PITPNB: variants seen among roughly 807,000 people sequenced by gnomAD.
The protein encoded by PITPNB is phosphatidylinositol transfer protein beta.
Under a neutral mutation model 45.9 loss-of-function variants are expected in PITPNB, and 16 were observed. The ratio of observed to expected loss-of-function variants is 0.35; its 90% CI spans 0.24 to 0.53. The LOEUF (loss-of-function observed/expected upper bound fraction) is 0.53, where lower values mean the gene tolerates loss of function less well. Among genes scored for constraint, PITPNB ranks in the 20% least tolerant of loss-of-function variants. The pLI is 0.93. For synonymous variants in PITPNB, 112 were observed against 108.9 expected (o/e 1.03, Z -0.18); for missense variants, 188 against 330.5 (o/e 0.57, Z 3.34).
intron 8 of PITPNB, among the ~76,000 whole-genome samples, chr22:27,866,762 T>C (rs1159018370): frequency 2.0e-5 from 3 of 152,200 alleles, no homozygotes; most frequent in Non-Finnish European, 2.9e-5. Flanking sequence ...CATATTTTCA[T>C]TTTTCAATTT....
At chr22:27,869,448 C>G (rs1934583749) in intron 8 of PITPNB, among the ~76,000 whole-genome samples, 2 of 152,150 alleles carry the variant, frequency 1.3e-5, no homozygotes, top group Admixed American at 6.5e-5. Flanking sequence ...ACCTCATCAT[C>G]CCCTGCTAGT....
chr22:27,897,960 G>A (rs1186300233), intron 3 of PITPNB, 68 bp from the exon 4 acceptor site: 3 of 1,069,042 alleles, frequency 2.8e-6, no homozygotes, highest in Non-Finnish European at 4.3e-6. Context: ...CTATCCAACT[G>A]CTTGAAAGAG....
intron 5 of PITPNB, 43 bp from the exon 6 acceptor site, chr22:27,896,669 G>T: frequency 7.5e-7 from 1 of 1,341,794 alleles, no homozygotes; most frequent in Non-Finnish European, 1.1e-6. Flanking sequence ...TCTTCTACCT[G>T]TTCCTTGGTG....
intron 7 of PITPNB, among the ~76,000 whole-genome samples, chr22:27,874,283 C>A (rs796708359): frequency 3.3e-5 from 5 of 152,116 alleles, no homozygotes; most frequent in African/African-American, 4.8e-5. Flanking sequence ...TTCTGCAGCA[C>A]CCCCAACCTC....
intron 4 of PITPNB, among the ~76,000 whole-genome samples, 160 bp from the exon 5 acceptor site, chr22:27,897,297 A>T (rs1935463575): frequency 6.6e-6 from 1 of 152,264 alleles, no homozygotes; most frequent in African/African-American, 2.4e-5. Flanking sequence ...GTTTCCACAC[A>T]AGTGACACTA....
At position 27,853,659 on chromosome 22, in the gene PITPNB, C is replaced by T. The variant is rs1934089887; in HGVS notation, c.*43G>A. 1.1e-5 allele frequency: 17 copies of T among 1,549,848 alleles called. No homozygotes were observed. Among genetic ancestry groups the T allele is most frequent in the Admixed American group, 2.0e-5 (1 of 51,004 alleles). ...TGTTCCCCTCACTTGACCTTGATTACGTAACTGTAAGAAAAGTGAAAGACA... is the reference window on the plus strand; with the variant it reads ...TGTTCCCCTCACTTGACCTTGATTATGTAACTGTAAGAAAAGTGAAAGACA... On this transcript the variant is annotated 3_prime_UTR_variant, in exon 12 of 12. Coordinates refer to ENST00000335272, the MANE Select transcript of PITPNB (RefSeq NM_012399.5).
intron 8 of PITPNB, among the ~76,000 whole-genome samples, chr22:27,864,757 G>A (rs557536214): frequency 2.6e-5 from 4 of 152,154 alleles, no homozygotes; most frequent in East Asian, 1.9e-4. Context: ...GGCCAACATG[G>A]TGAAACCCCG....
intron 8 of PITPNB, among the ~76,000 whole-genome samples, chr22:27,861,347 G>C (rs925732780): frequency 3.3e-5 from 5 of 151,940 alleles, no homozygotes; most frequent in African/African-American, 1.2e-4. Context: ...GTGGGAGGTG[G>C]GGCACTGCAA....
At chr22:27,854,097 A>C (rs1367913404) in intron 11 of PITPNB, among the ~76,000 whole-genome samples, 1 of 152,196 alleles carries the variant, frequency 6.6e-6, no homozygotes, top group Admixed American at 6.5e-5. Context: ...TGGGGCAGCA[A>C]AGAACCACAG....
rs548041105 is a variant in PITPNB at position 27,903,247 on chromosome 22, A to T, written c.198-5355T>A. 6.6e-3 allele frequency among the ~76,000 whole-genome samples: 1,009 copies of T among 152,184 alleles called. 11 individuals carry two copies. The highest frequency in any genetic ancestry group is 0.01 in the Non-Finnish European group (711 of 68,006). On this transcript the variant is annotated intron_variant, in intron 3 of 11. Coordinates refer to ENST00000335272, the MANE Select transcript of PITPNB (RefSeq NM_012399.5). ...CACTTTAGGAGGCCGAGGAGGGTAGATCACCTGAGGTCAGGAGTTCGAGAC... is the reference window on the plus strand; with the variant it reads ...CACTTTAGGAGGCCGAGGAGGGTAGTTCACCTGAGGTCAGGAGTTCGAGAC...
At chr22:27,863,317 C>G (rs865954732) in intron 8 of PITPNB, among the ~76,000 whole-genome samples, 1 of 152,158 alleles carries the variant, frequency 6.6e-6, no homozygotes, top group Non-Finnish European at 1.5e-5. Flanking sequence ...AAACTAAAAG[C>G]AGGGGTGAGC....
chr22:27,914,324 A>G lies in PITPNB; in HGVS notation c.44T>C (p.Val15Ala). ...KEFRVVLPCS[V>A]QEYQVGQLYS... is the part of the protein sequence containing the mutation. ...GAAGCAAGAAAAACTCACCTCCTGA[A>G]CAGAACATGGCAAAACCACACGGCT... Residue 15 changes from valine (V) to alanine (A), a missense_variant, in exon 2 of 12, where the codon GTT (valine) becomes GCT (alanine). Transcript: ENST00000335272. The G allele has an allele frequency of 6.3e-7, 1 of 1,596,552 alleles. No homozygotes were observed. The highest frequency in any genetic ancestry group is 8.6e-7 in the Non-Finnish European group (1 of 1,164,756).
intron 7 of PITPNB, among the ~76,000 whole-genome samples, chr22:27,881,493 T>C (rs1330799909): frequency 6.6e-6 from 1 of 152,176 alleles, no homozygotes; most frequent in East Asian, 1.9e-4. Flanking sequence ...CAAAAAGACA[T>C]GGTACTCTAC....
chr22:27,853,820 T>G (rs1934094700), intron 11 of PITPNB, among the ~76,000 whole-genome samples, 157 bp from the exon 12 acceptor site: 1 of 152,166 alleles, frequency 6.6e-6, no homozygotes, highest in Non-Finnish European at 1.5e-5. Flanking sequence ...TCAAAAAGAT[T>G]TTGGTCTTAC....
At chr22:27,859,032 T>C (rs1934246234) in intron 9 of PITPNB, among the ~76,000 whole-genome samples, 1 of 152,210 alleles carries the variant, frequency 6.6e-6, no homozygotes, top group Non-Finnish European at 1.5e-5. Flanking sequence ...ATAAATATAT[T>C]TAAAAACCAT....
chr22:27,914,067 T>C lies in PITPNB; in HGVS notation c.51+250A>G, dbSNP rs115650030. Among the ~76,000 whole-genome samples, 335 of 152,346 alleles carry C rather than the reference T, an allele frequency of 2.2e-3. 3 individuals carry two copies. The highest frequency in any genetic ancestry group is 7.7e-3 in the African/African-American group (322 of 41,582). On this transcript the variant is annotated intron_variant, in intron 2 of 11. Coordinates refer to ENST00000335272, the MANE Select transcript of PITPNB (RefSeq NM_012399.5). The stretch of plus-strand genomic sequence containing the variant: ...TTTCTCTGGGATGTTGGAGAAAGAA[T>C]TCCTGCACTAGACAGGAGGTTAAAC...
At chr22:27,859,078 A>G (rs991317667) in intron 9 of PITPNB, among the ~76,000 whole-genome samples, 12 of 152,232 alleles carry the variant, frequency 7.9e-5, no homozygotes, top group Admixed American at 7.9e-4. Flanking sequence ...TGGATTATTT[A>G]AGTTTTATTC....
At chr22:27,865,785 G>C (rs1472899480) in intron 8 of PITPNB, among the ~76,000 whole-genome samples, 4 of 152,100 alleles carry the variant, frequency 2.6e-5, no homozygotes, top group Non-Finnish European at 4.4e-5. Context: ...GAAATACTAT[G>C]TACAACAAAT....
chr22:27,912,520 T>G (rs575675144), intron 2 of PITPNB, among the ~76,000 whole-genome samples: 1 of 152,292 alleles, frequency 6.6e-6, no homozygotes, highest in South Asian at 2.1e-4. Context: ...AAATTTCATT[T>G]TGGTCAGGAA....
Sources: gnomAD v4.1 joint callset for allele counts (sites outside exome capture counted in the v4.1 genomes callset) on GRCh38, gnomAD v4.1.1 for gene constraint, MANE v1.5 for transcripts, NCBI Gene and HGNC (gene_info 2026-07-23, HGNC 2026-07-21) for gene names.